The following PLEKHA1 variants were observed in gnomAD, a reference collection of about 807,000 sequenced individuals.
The protein encoded by PLEKHA1 is pleckstrin homology domain-containing family A member 1.
In PLEKHA1, 34 loss-of-function variants were observed where a neutral mutation model predicts 52.0. The observed-to-expected ratio is 0.65, with a 90% confidence interval of 0.50 to 0.87. PLEKHA1 has a LOEUF of 0.87. PLEKHA1 is among the 40% of genes least tolerant of loss of function. The probability of loss-of-function intolerance (pLI) is 0.00; values close to 1 mark genes in which losing one functional copy is unlikely to be tolerated. For synonymous variants in PLEKHA1, 163 were observed against 170.7 expected, an observed-to-expected ratio of 0.95 and a Z score of 0.35; for missense variants, 497 against 504.2, an observed-to-expected ratio of 0.99 and a Z score of 0.14.
chr10:122,406,183 G>A (rs1361129821), intron 4 of PLEKHA1, among the ~76,000 whole-genome samples: 1 of 152,126 alleles, frequency 6.6e-6, no homozygotes, highest in Non-Finnish European at 1.5e-5. Context: ...CCTATAAAAA[G>A]TTTAAATGTC....
intron 5 of PLEKHA1, chr10:122,412,638 G>A (rs796675377): frequency 6.0e-6 from 2 of 333,778 alleles, no homozygotes; most frequent in South Asian, 5.4e-5. Context: ...CTTAGGTGGG[G>A]GTAGAGCCCC....
At chr10:122,402,246 C>CT (rs760448662) in intron 4 of PLEKHA1, among the ~76,000 whole-genome samples, 21 of 152,190 alleles carry the variant, frequency 1.4e-4, no homozygotes, top group South Asian at 1.2e-3. Flanking sequence ...GAATCAAAAA[C>CT]TAAGATTAGT....
At chr10:122,413,827 C>G (rs1229220204) in intron 6 of PLEKHA1, among the ~76,000 whole-genome samples, 2 of 151,980 alleles carry the variant, frequency 1.3e-5, no homozygotes, top group Non-Finnish European at 2.9e-5. Context: ...TTGGTATTGC[C>G]AAGCTTGGGT....
chr10:122,402,124 C>G (rs114879490), intron 4 of PLEKHA1, among the ~76,000 whole-genome samples: 1 of 152,228 alleles, frequency 6.6e-6, no homozygotes, highest in African/African-American at 2.4e-5. Context: ...AATGCACATA[C>G]TTTTGACAAC....
intron 9 of PLEKHA1, 34 bp from the exon 10 acceptor site, chr10:122,424,862 T>C (rs1286143336): frequency 1.3e-6 from 2 of 1,557,562 alleles, no homozygotes; most frequent in Non-Finnish European, 1.8e-6. Flanking sequence ...AAACAACTGC[T>C]ATTTAAGTAT....
intron 8 of PLEKHA1, chr10:122,420,819 A>G (rs1450608909): frequency 6.6e-6 from 1 of 152,222 alleles, no homozygotes; most frequent in Non-Finnish European, 1.5e-5. Flanking sequence ...GAGCCCACGC[A>G]GGACAAGGAG....
At chr10:122,428,102 T>C (rs2097366740) in intron 11 of PLEKHA1, among the ~76,000 whole-genome samples, 1 of 152,230 alleles carries the variant, frequency 6.6e-6, no homozygotes, top group Non-Finnish European at 1.5e-5. Flanking sequence ...TGAGACTCTC[T>C]GCAAAAACAG....
At chr10:122,407,594 A>G (rs1232914805) in intron 5 of PLEKHA1, among the ~76,000 whole-genome samples, 1 of 152,150 alleles carries the variant, frequency 6.6e-6, no homozygotes, top group African/African-American at 2.4e-5. Context: ...CTTTACTGAG[A>G]GAGTTTGCTA....
At chr10:122,433,177 C>T (rs1279477957), downstream of PLEKHA1, 1 of 152,198 alleles carries the variant, frequency 6.6e-6, no homozygotes, top group Non-Finnish European at 1.5e-5. Flanking sequence ...TGTTGGGGCT[C>T]TCCTGGACTA....
intron 1 of PLEKHA1, among the ~76,000 whole-genome samples, chr10:122,383,854 C>T (rs976656744): frequency 6.6e-6 from 1 of 152,050 alleles, no homozygotes; most frequent in African/African-American, 2.4e-5. Context: ...GTGATTGGTC[C>T]AGATATCTAA....
chr10:122,376,877 T>C (rs1293965420), intron 1 of PLEKHA1, among the ~76,000 whole-genome samples: 6 of 152,206 alleles, frequency 3.9e-5, no homozygotes, highest in Admixed American at 2.6e-4. Context: ...TGCTAACATA[T>C]AGGATATGAC....
In PLEKHA1 at chr10:122,424,476, GTTTA is replaced by G. The variant is rs142809846; in HGVS notation, c.746+217_746+220del. 2.8e-4 allele frequency among the ~76,000 whole-genome samples: 42 copies of G among 152,132 alleles called. No homozygotes were observed. In the East Asian group the frequency reaches 5.8e-3, roughly 21 times the overall value. ...GAAAACTAAAAATTAGGAAAGAATCGTTTATTTGTTTCTTTGAAAACTAAAAATA... is the reference window on the plus strand; with the variant it reads ...GAAAACTAAAAATTAGGAAAGAATCGTTTGTTTCTTTGAAAACTAAAAATA... On this transcript the variant is annotated intron_variant, in intron 9 of 11. Coordinates refer to ENST00000368990, the MANE Select transcript of PLEKHA1 (RefSeq NM_001001974.4).
chr10:122,382,327 A>G (rs1473033832), intron 1 of PLEKHA1, among the ~76,000 whole-genome samples: 1 of 152,180 alleles, frequency 6.6e-6, no homozygotes, highest in Admixed American at 6.5e-5. Flanking sequence ...TTCTAGCTTT[A>G]TAGATTTGCC....
intron 1 of PLEKHA1, among the ~76,000 whole-genome samples, chr10:122,380,100 T>C (rs550352555): frequency 6.6e-6 from 1 of 152,376 alleles, no homozygotes; most frequent in South Asian, 2.1e-4. Context: ...TGAAACTTTT[T>C]CCTTCCATTA....
chr10:122,411,402 G>A (rs2097104745), intron 5 of PLEKHA1, among the ~76,000 whole-genome samples: 1 of 152,164 alleles, frequency 6.6e-6, no homozygotes, highest in Non-Finnish European at 1.5e-5. Context: ...ATATACACAT[G>A]GACCATGTTT....
intron 8 of PLEKHA1, chr10:122,422,950 TAAAC>T (rs1173574897): frequency 2.6e-5 from 4 of 152,116 alleles, no homozygotes; most frequent in Admixed American, 1.3e-4. Flanking sequence ...TATATAAACA[TAAAC>T]AGATAATGAT....
chr10:122,382,434 A>T (rs1177604147), intron 1 of PLEKHA1, among the ~76,000 whole-genome samples: 1 of 152,224 alleles, frequency 6.6e-6, no homozygotes, highest in East Asian at 1.9e-4. Context: ...TTCAATAGAT[A>T]CCAAGTTACT....
intron 11 of PLEKHA1, chr10:122,428,454 A>G (rs902379850): frequency 5.8e-6 from 8 of 1,377,420 alleles, no homozygotes; most frequent in African/African-American, 4.3e-5. Flanking sequence ...TGCAGTTATC[A>G]TAACTGATTT....
Position 122,393,400 on chromosome 10 carries a change from A to C in PLEKHA1, c.141+59A>C. On this transcript the variant is annotated intron_variant, in intron 2 of 11. Coordinates refer to ENST00000368990, the MANE Select transcript of PLEKHA1 (RefSeq NM_001001974.4). The surrounding 1 kb of genome is among the most constrained non-coding windows in gnomAD (Gnocchi z 4.5). ...CACAGAAAGTTGTATTTAAGTATTT[A>C]ACATACTATACAGGCTTTAGATTTG... The C allele has an allele frequency of 6.8e-7, 1 of 1,465,590 alleles. No individual in the cohort carries two copies. The highest frequency in any genetic ancestry group is 9.0e-7 in the Non-Finnish European group (1 of 1,109,614). The allele number at this position is 1,465,590 out of a possible 1,614,324, so 90.8% of individuals were successfully genotyped here.
Sources: gnomAD v4.1 joint callset for allele counts (sites outside exome capture counted in the v4.1 genomes callset) on GRCh38, gnomAD v4.1.1 for gene constraint, Gnocchi (gnomAD v3.1) non-coding constraint, MANE v1.5 for transcripts, NCBI Gene and HGNC (gene_info 2026-07-23, HGNC 2026-07-21) for gene names.